DNAH3: variants seen among roughly 807,000 people sequenced by gnomAD.
The protein encoded by DNAH3 is dynein axonemal heavy chain 3.
A neutral mutation model predicts 432.5 loss-of-function variants in DNAH3; 332 were observed. That is an observed-to-expected ratio of 0.77 (90% CI 0.70 to 0.84). DNAH3 has a LOEUF of 0.84. DNAH3 is among the 40% of genes least tolerant of loss of function. The pLI is 0.00. For missense variants in DNAH3, 4,861 were observed against 5,114.0 expected (o/e 0.95, Z 1.51); for synonymous variants, 1,956 against 1,900.2 (o/e 1.03, Z -0.76).
At chr16:20,988,993 C>T (rs561879634) in intron 44 of DNAH3, among the ~76,000 whole-genome samples, 3 of 152,272 alleles carry the variant, frequency 2.0e-5, no homozygotes, top group East Asian at 3.9e-4. Context: ...TGCAGACTTT[C>T]GCGGGGAGTG....
At chr16:21,048,989 C>T (rs934666880) in intron 31 of DNAH3, among the ~76,000 whole-genome samples, 4 of 151,124 alleles carry the variant, frequency 2.6e-5, no homozygotes, top group Non-Finnish European at 5.9e-5. Context: ...CCACCGCGCT[C>T]AGCCAAGACT....
At chr16:21,147,990 T>C (rs2092806690) in intron 1 of DNAH3, among the ~76,000 whole-genome samples, 1 of 152,196 alleles carries the variant, frequency 6.6e-6, no homozygotes, top group African/African-American at 2.4e-5. Context: ...TCAAGGGCAA[T>C]TTTGACTCTC....
At chr16:21,031,067 G>A (rs149124314) in exon 37 of DNAH3, 6 of 1,614,146 alleles carry the variant, frequency 3.7e-6, no homozygotes, top group Non-Finnish European at 5.1e-6. Flanking sequence ...ATCCAGAACA[G>A]TGTTCATATT....
intron 55 of DNAH3, among the ~76,000 whole-genome samples, 180 bp from the exon 56 acceptor site, chr16:20,952,729 C>A (rs2084372009): frequency 6.6e-6 from 1 of 152,122 alleles, no homozygotes; most frequent in African/African-American, 2.4e-5. Flanking sequence ...AGCCATTCTG[C>A]CTGAGAAAAC....
intron 19 of DNAH3, among the ~76,000 whole-genome samples, chr16:21,084,286 C>A (rs2091291691): frequency 6.6e-6 from 1 of 152,028 alleles, no homozygotes; most frequent in Non-Finnish European, 1.5e-5. Flanking sequence ...TCAATATCAT[C>A]ATTATTATTA....
intron 39 of DNAH3, 73 bp downstream of exon 39, chr16:21,024,523 T>A: frequency 9.3e-7 from 1 of 1,076,008 alleles, no homozygotes; most frequent in Non-Finnish European, 1.3e-6. Flanking sequence ...AAGGTGAAGA[T>A]GTACCTAGAA....
At position 21,034,059 on chromosome 16, in the gene DNAH3, A is replaced by G. The variant is rs764759270; in HGVS notation, c.5112T>C (p.His1704=). Reference sequence around the variant, plus strand: ...TGGGGTCTCCTACAATCATATAGCCATGTCTCACCAGCATCATTTCGTAGA... The same window carrying G: ...TGGGGTCTCCTACAATCATATAGCCGTGTCTCACCAGCATCATTTCGTAGA... The change falls in exon 36 of 62, where the codon CAT becomes CAC. Residue 1704 remains histidine, a synonymous_variant. Transcript: ENST00000261383. 2.7e-5 allele frequency: 43 copies of G among 1,613,210 alleles called. No individual in the cohort carries two copies. In the South Asian group the frequency reaches 4.3e-4, roughly 16 times the overall value.
intron 42 of DNAH3, among the ~76,000 whole-genome samples, chr16:21,001,615 A>G (rs552388234): frequency 6.6e-6 from 1 of 152,320 alleles, no homozygotes; most frequent in South Asian, 2.1e-4. Flanking sequence ...GTTGAGAAGA[A>G]GAGAAGTAAC....
intron 24 of DNAH3, 56 bp from the exon 25 acceptor site, chr16:21,062,739 G>A: frequency 6.9e-7 from 1 of 1,451,700 alleles, no homozygotes; most frequent in Non-Finnish European, 9.5e-7. Context: ...ACTTTTTCTA[G>A]CAAGGTGATA....
chr16:21,159,113 G>A (rs1007135457), intron 1 of DNAH3, among the ~76,000 whole-genome samples: 3 of 151,784 alleles, frequency 2.0e-5, no homozygotes. Flanking sequence ...AAGACGTCGA[G>A]GCAAACCTCC....
exon 38 of DNAH3, chr16:21,027,039 G>T: frequency 3.1e-6 from 5 of 1,613,412 alleles, no homozygotes; most frequent in Non-Finnish European, 4.2e-6. Flanking sequence ...GCTCACAGTG[G>T]CTGGAGAGGC....
At position 20,969,733 on chromosome 16, in the gene DNAH3, G is replaced by A. The variant is rs535274926; in HGVS notation, c.8458+59C>T. On this transcript the variant is annotated intron_variant, in intron 52 of 61. Transcript: ENST00000261383. ...TCGACTTGGGGATGCAGTGGGTGCTGGCACCCCACTGCCAGGAAAGAGCAG... is the reference window on the plus strand; with the variant it reads ...TCGACTTGGGGATGCAGTGGGTGCTAGCACCCCACTGCCAGGAAAGAGCAG... 11 of 1,566,156 alleles carry A rather than the reference G, an allele frequency of 7.0e-6. No individual in the cohort carries two copies. The East Asian group carries it at 9.0e-5, about 13-fold the overall frequency.
chr16:21,133,005 T>C (rs1597457245), intron 7 of DNAH3, among the ~76,000 whole-genome samples: 2 of 151,560 alleles, frequency 1.3e-5, no homozygotes, highest in East Asian at 1.9e-4. Context: ...TATTGATAAA[T>C]ATACCTGAGA....
chr16:21,048,666 C>T (rs1207955139), intron 31 of DNAH3, among the ~76,000 whole-genome samples: 2 of 151,820 alleles, frequency 1.3e-5, no homozygotes, highest in African/African-American at 2.4e-5. Flanking sequence ...AGCTGTAGAC[C>T]GGAGCTGTTC....
At chr16:20,969,599 G>C (rs886125240) in intron 52 of DNAH3, among the ~76,000 whole-genome samples, 193 bp downstream of exon 52, 1 of 152,238 alleles carries the variant, frequency 6.6e-6, no homozygotes, top group Non-Finnish European at 1.5e-5. Context: ...AACTGACTGA[G>C]AGGGCGGAGG....
At chr16:20,975,446 G>T (rs375028911) in intron 50 of DNAH3, 31 bp from the exon 51 acceptor site, 54 of 1,597,214 alleles carry the variant, frequency 3.4e-5, no homozygotes, top group Admixed American at 1.8e-4. Context: ...AGAAATCCAG[G>T]GTCAGCACTG....
At chr16:21,023,052 T>C (rs910972064) in intron 39 of DNAH3, among the ~76,000 whole-genome samples, 6 of 152,212 alleles carry the variant, frequency 3.9e-5, no homozygotes, top group African/African-American at 1.4e-4. Flanking sequence ...TCAGCCTCTT[T>C]GTTATACTTT....
chr16:21,097,437 G>T, exon 18 of DNAH3: 1 of 1,613,904 alleles, frequency 6.2e-7, no homozygotes, highest in Non-Finnish European at 8.5e-7. Flanking sequence ...TCTTCAGCAT[G>T]GCCTGCAGAA....
chr16:21,007,286 G>A (rs2087355879), intron 41 of DNAH3, among the ~76,000 whole-genome samples: 1 of 144,410 alleles, frequency 6.9e-6, no homozygotes, highest in South Asian at 2.2e-4. Context: ...CTTGGCCACT[G>A]CAACCCCTGC....
Sources: allele counts gnomAD v4.1 joint callset (sites outside exome capture counted in the v4.1 genomes callset), GRCh38; gene constraint gnomAD v4.1.1; transcripts MANE v1.5; gene names NCBI Gene and HGNC (gene_info 2026-07-23, HGNC 2026-07-21).